The following EXOC6 variants were observed in gnomAD, a reference collection of about 807,000 sequenced individuals.
EXOC6 encodes SEC15-like 1.
Under a neutral mutation model 112.5 loss-of-function variants are expected in EXOC6, and 60 were observed. The observed-to-expected ratio is 0.53, with a 90% CI of 0.43 to 0.66. The LOEUF (loss-of-function observed/expected upper bound fraction) is 0.66, where lower values mean the gene tolerates loss of function less well. Among genes scored for constraint, EXOC6 ranks in the 30% least tolerant of loss-of-function variants. The pLI is 0.00. For missense variants in EXOC6, 855 were observed against 957.1 expected (o/e 0.89, Z 1.41); for synonymous variants, 295 against 308.0 (o/e 0.96, Z 0.44).
chr10:92,848,669 C>G (rs1321061344), intron 1 of EXOC6, 35 bp downstream of exon 1: 34 of 1,304,960 alleles, frequency 2.6e-5, no homozygotes, highest in Non-Finnish European at 3.1e-5. Context: ...TTCGGCCCCC[C>G]GCCCCACGCC....
At chr10:93,000,128 TCC>T (rs1350183019) in intron 19 of EXOC6, among the ~76,000 whole-genome samples, 1 of 152,220 alleles carries the variant, frequency 6.6e-6, no homozygotes, top group Non-Finnish European at 1.5e-5. Context: ...TTGGAACATA[TCC>T]CCCATGGGTA....
intron 1 of EXOC6, among the ~76,000 whole-genome samples, chr10:92,864,792 C>A (rs971483898): frequency 9.2e-5 from 14 of 152,062 alleles, no homozygotes; most frequent in African/African-American, 3.4e-4. Context: ...AGCAGCCCCC[C>A]TGGTTTGCAG....
At chr10:92,978,389 G>A (rs1285398605) in intron 18 of EXOC6, among the ~76,000 whole-genome samples, 1 of 151,932 alleles carries the variant, frequency 6.6e-6, no homozygotes, top group African/African-American at 2.4e-5. Context: ...CAGCTTGGGT[G>A]ACAGAGTGAG....
At chr10:93,015,542 G>C (rs1347689980) in intron 20 of EXOC6, among the ~76,000 whole-genome samples, 1 of 152,144 alleles carries the variant, frequency 6.6e-6, no homozygotes, top group Non-Finnish European at 1.5e-5. Context: ...GATCATCTTG[G>C]CTAACACGGT....
chr10:93,045,627 G>T (rs1034778148), intron 20 of EXOC6, among the ~76,000 whole-genome samples: 2 of 152,116 alleles, frequency 1.3e-5, no homozygotes, highest in Non-Finnish European at 2.9e-5. Flanking sequence ...TTATTTCTTC[G>T]TAGCTTCAGT....
intron 8 of EXOC6, among the ~76,000 whole-genome samples, chr10:92,922,392 G>A (rs1851496734): frequency 6.6e-6 from 1 of 152,296 alleles, no homozygotes; most frequent in East Asian, 1.9e-4. Flanking sequence ...CTAAGGCTAT[G>A]TTGGATATTA....
chr10:92,858,161 C>A (rs1408449515), intron 1 of EXOC6, among the ~76,000 whole-genome samples: 11 of 151,868 alleles, frequency 7.2e-5, no homozygotes, highest in Admixed American at 7.2e-4. Flanking sequence ...TCAGGATTTT[C>A]CGTTTGTCTC....
intron 13 of EXOC6, among the ~76,000 whole-genome samples, chr10:92,944,476 TC>T (rs1464387772): frequency 6.6e-6 from 1 of 152,164 alleles, no homozygotes; most frequent in African/African-American, 2.4e-5. Context: ...CCTCAAGTGA[TC>T]CGCCTGCCTT....
chr10:93,007,560 G>A (rs1564905669), intron 19 of EXOC6, among the ~76,000 whole-genome samples: 1 of 152,148 alleles, frequency 6.6e-6, no homozygotes, highest in Admixed American at 6.5e-5. Context: ...GGCCGAGGCA[G>A]GAGAATTGCT....
chr10:93,020,929 A>G (rs1417298886), intron 20 of EXOC6, among the ~76,000 whole-genome samples: 2 of 150,918 alleles, frequency 1.3e-5, no homozygotes, highest in African/African-American at 4.9e-5. Context: ...TGTTCTCTAA[A>G]ATTCCCTCAT....
intron 20 of EXOC6, among the ~76,000 whole-genome samples, chr10:93,028,940 C>T (rs1214700172): frequency 1.3e-5 from 2 of 151,982 alleles, no homozygotes. Context: ...ATGTTCTACT[C>T]TGGGTAAAAT....
chr10:92,969,521 C>T (rs945280848), intron 17 of EXOC6, among the ~76,000 whole-genome samples: 5 of 152,116 alleles, frequency 3.3e-5, no homozygotes, highest in African/African-American at 1.2e-4. Context: ...CACATAAATA[C>T]TTCTTCTAGA....
chr10:92,942,528 T>G (rs1407897892), intron 13 of EXOC6, among the ~76,000 whole-genome samples: 1 of 152,184 alleles, frequency 6.6e-6, no homozygotes, highest in Non-Finnish European at 1.5e-5. Context: ...CTATCCCAGA[T>G]GGATAATTGA....
chr10:92,886,699 G>A (rs1037853969), intron 1 of EXOC6, among the ~76,000 whole-genome samples: 5 of 152,188 alleles, frequency 3.3e-5, no homozygotes, highest in African/African-American at 9.7e-5. Flanking sequence ...AAATTGTGAT[G>A]CTAACAGAAT....
chr10:93,056,955 C>T lies in EXOC6; in HGVS notation c.2201C>T (p.Ser734Phe), dbSNP rs773520435. The change falls in exon 21 of 22, where the codon TCT becomes TTT. Residue 734 changes from serine (S) to phenylalanine (F), a missense_variant. By Grantham distance (155) the Ser-to-Phe change is radical (BLOSUM62 -2). This residue lies in a region of EXOC6 where 450 missense variants were observed against 563.5 expected (regional missense o/e 0.80). Transcript: ENST00000260762. ...LLDLFMVWDW[S>F]TYLADYGQPA... ...GACCTGTTTATGGTTTGGGATTGGT[C>T]TACTTACCTAGCTGATTATGGGCAG... 2 of 1,600,622 alleles carry T rather than the reference C, an allele frequency of 1.2e-6. No individual in the cohort carries two copies. The highest frequency in any genetic ancestry group is 1.1e-5 in the South Asian group (1 of 87,180).
In EXOC6 at chr10:93,001,635, C is replaced by T. The variant is rs200202833; in HGVS notation, c.2095+4020C>T. Among the ~76,000 whole-genome samples, 28 of 152,148 alleles carry T rather than the reference C, an allele frequency of 1.8e-4. No individual in the cohort carries two copies. The East Asian group carries it at 3.5e-3, about 19-fold the overall frequency. ...TTTTCCCATCTGGACTTGGCCCCTA[C>T]GAAGGCACATAGCTTATCAAATAAA... On this transcript the variant is annotated intron_variant, in intron 19 of 21. Transcript: ENST00000260762.
rs1273494526 is a variant in EXOC6, at chr10:93,059,158, A to T, written c.*803A>T. ...GTGCGAGGGTAGATGGTTCCTGCAC[A>T]CAGAAGTTACCACAGGGGTCAGGTT... is the stretch of plus-strand genomic sequence containing the variant. On this transcript the variant is annotated 3_prime_UTR_variant, in exon 22 of 22. Transcript: ENST00000260762. 6.6e-6 allele frequency: 1 copy of T among 152,250 alleles called. No individual in the cohort carries two copies. The highest frequency in any genetic ancestry group is 1.5e-5 in the Non-Finnish European group (1 of 68,044). The allele number at this position is 152,250 out of a possible 1,614,324, so 9.4% of individuals were successfully genotyped here. A position where few individuals can be genotyped will look rare whatever the true frequency, so the allele number is the denominator to read the frequency against.
chr10:93,024,715 G>A (rs1844946493), intron 20 of EXOC6, among the ~76,000 whole-genome samples: 2 of 152,112 alleles, frequency 1.3e-5, no homozygotes, highest in African/African-American at 2.4e-5. Context: ...ACCGTGCCTG[G>A]CCTTTTATTA....
chr10:92,935,644 A>G (rs1035991824), intron 11 of EXOC6, among the ~76,000 whole-genome samples, 170 bp from the exon 12 acceptor site: 1 of 152,182 alleles, frequency 6.6e-6, no homozygotes, highest in African/African-American at 2.4e-5. Flanking sequence ...AAACGTTTAT[A>G]CTGAATAGAG....
Sources: gnomAD v4.1 joint callset for allele counts (sites outside exome capture counted in the v4.1 genomes callset) on GRCh38, gnomAD v4.1.1 for gene constraint, gnomAD v4.1.1 regional missense constraint, MANE v1.5 for transcripts, NCBI Gene and HGNC (gene_info 2026-07-23, HGNC 2026-07-21) for gene names.